The following CTSK variants were observed in gnomAD, a reference collection of about 807,000 sequenced individuals.
The protein encoded by CTSK is cathepsin K, also known as cathepsin O.
CTSK carries 26 observed loss-of-function variants against 40.5 expected under a neutral mutation model. The observed-to-expected ratio is 0.64, with a 90% CI of 0.47 to 0.89. The LOEUF (loss-of-function observed/expected upper bound fraction) is 0.89. Ranked by LOEUF, CTSK falls within the 40% of genes least tolerant of loss-of-function variation. The pLI is 0.00. For synonymous variants in CTSK, 132 were observed against 143.2 expected, an observed-to-expected ratio of 0.92 and a Z score of 0.56; for missense variants, 292 against 400.1, an observed-to-expected ratio of 0.73 and a Z score of 2.30.
In CTSK at chr1:150,805,970, A is replaced by G; in HGVS notation, c.290T>C (p.Leu97Pro). The change falls in exon 4 of 8, where the codon CTG becomes CCG. Residue 97 changes from leucine to proline, a missense_variant. Transcript: ENST00000271651. ...GGTGTCATTACTGCGGGAATGAGACAGGGGTACTTTGAGTCCAGTCATCTT... is the reference window on the plus strand; with the variant it reads ...GGTGTCATTACTGCGGGAATGAGACGGGGGTACTTTGAGTCCAGTCATCTT... ...VQKMTGLKVP[L>P]SHSRSNDTLY... 2.5e-6 allele frequency: 4 copies of G among 1,614,192 alleles called. No individual in the cohort carries two copies. Among genetic ancestry groups the G allele is most frequent in the Non-Finnish European group, 2.5e-6 (3 of 1,180,020 alleles).
chr1:150,799,507 T>C (rs1289238025), intron 6 of CTSK, 37 bp downstream of exon 6: 2 of 1,612,464 alleles, frequency 1.2e-6, no homozygotes, highest in South Asian at 1.1e-5. Flanking sequence ...GTTTGTATCA[T>C]AAAAGACAGT....
At position 150,799,646 on chromosome 1, in the gene CTSK, G is replaced by T. The variant is rs763405094; in HGVS notation, c.682C>A (p.Pro228Thr). 2 of 1,614,084 alleles carry T rather than the reference G, an allele frequency of 1.2e-6. No individual in the cohort carries two copies. Among genetic ancestry groups the T allele is most frequent in the South Asian group, 2.2e-5 (2 of 91,078 alleles). ...AAKCRGYREI[P>T]EGNEKALKRA... ...TTCAGGGCTTTCTCATTCCCCTCGG[G>T]GATCTCTCTGTACCCTCTGCATTTA... The change falls in exon 6 of 8, where the codon CCC (proline) becomes ACC (threonine). Residue 228 changes from proline to threonine, a missense_variant. Transcript: ENST00000271651.
Position 150,805,887 on chromosome 1 carries a change from C to T in CTSK, c.373G>A (p.Gly125Arg). 6.2e-7 allele frequency: 1 copy of T among 1,614,072 alleles called. No homozygotes were observed. ...TGATTTTTGACAGGAGTAACATATC[C>T]TTTCTTTCGATAGTCGACAGAGTCT... ...APDSVDYRKK[G>R]YVTPVKNQGQ... The change falls in exon 4 of 8, where the codon GGA becomes AGA. Residue 125 changes from glycine (G) to arginine (R), a missense_variant. Transcript: ENST00000271651.
intron 1 of CTSK, chr1:150,807,116 ACACACACACG>A (rs1654121203): frequency 2.3e-6 from 1 of 443,648 alleles, no homozygotes; most frequent in Non-Finnish European, 4.3e-6. Context: ...ACACACACAC[ACACACACACG>A]TACACAACCA....
At chr1:150,807,057 TTCTCTC>T (rs368700789) in intron 1 of CTSK, among the ~76,000 whole-genome samples, 1 of 103,080 alleles carries the variant, frequency 9.7e-6, no homozygotes, top group African/African-American at 3.3e-5. Flanking sequence ...CTCTCTCTGT[TTCTCTC>T]TCTGTCTCTC....
At chr1:150,805,256 C>A (rs587676029) in intron 4 of CTSK, among the ~76,000 whole-genome samples, 22 of 150,688 alleles carry the variant, frequency 1.5e-4, no homozygotes, top group African/African-American at 5.4e-4. Context: ...TATTTGTGAC[C>A]TAACAATTCC....
intron 5 of CTSK, 115 bp downstream of exon 5, chr1:150,803,906 A>G: frequency 2.1e-6 from 2 of 968,338 alleles, no homozygotes; most frequent in Non-Finnish European, 3.3e-6. Flanking sequence ...TATTCCATCA[A>G]GAAAGCAGGA....
intron 5 of CTSK, 42 bp downstream of exon 5, chr1:150,803,976 AAGG>A (rs747542627): frequency 6.8e-7 from 1 of 1,462,948 alleles, no homozygotes; most frequent in South Asian, 1.1e-5. Flanking sequence ...CATGCTGGGG[AAGG>A]AGGAGCCAAC....
Position 150,799,644 on chromosome 1 carries a change from G to A in CTSK, c.684C>T (p.Pro228=), listed in dbSNP as rs142097792. 933 of 1,613,882 alleles carry A rather than the reference G, an allele frequency of 5.8e-4. No individual in the cohort carries two copies. The highest frequency in any genetic ancestry group is 6.9e-4 in the Non-Finnish European group (816 of 1,179,972). The part of the protein sequence containing the change: ...AAKCRGYREI[P]EGNEKALKRA... ...TCTTCAGGGCTTTCTCATTCCCCTC[G>A]GGGATCTCTCTGTACCCTCTGCATT... The change falls in exon 6 of 8, where the codon CCC becomes CCT. Residue 228 remains proline (P), a synonymous_variant. Coordinates refer to ENST00000271651, the MANE Select transcript of CTSK (RefSeq NM_000396.4).
At chr1:150,798,711 T>C (rs1035425128) in intron 7 of CTSK, among the ~76,000 whole-genome samples, 5 of 152,198 alleles carry the variant, frequency 3.3e-5, no homozygotes, top group Admixed American at 1.3e-4. Flanking sequence ...ATGAATGGCT[T>C]GGTGCCATCG....
rs1180381893 is a variant in CTSK at position 150,796,696 on chromosome 1, C to T, written c.*103G>A. On this transcript the variant is annotated 3_prime_UTR_variant, in exon 8 of 8. Coordinates refer to ENST00000271651, the MANE Select transcript of CTSK (RefSeq NM_000396.4). ...TGAACAGACAATCTCAGTATCACCA[C>T]ATCTGCTTCAAAAATAGCACACCAA... 2 of 839,580 alleles carry T rather than the reference C, an allele frequency of 2.4e-6. No homozygotes were observed. Among genetic ancestry groups the T allele is most frequent in the Admixed American group, 1.7e-5 (1 of 59,090 alleles). 52.0% of individuals were successfully genotyped at this position (839,580 alleles called of 1,614,324 possible).
chr1:150,804,387 G>T (rs1654048216), intron 4 of CTSK, 148 bp from the exon 5 acceptor site: 1 of 720,148 alleles, frequency 1.4e-6, no homozygotes, highest in Non-Finnish European at 2.5e-6. Flanking sequence ...CTTAATATCT[G>T]TTGCACTGTT....
At position 150,804,165 on chromosome 1, in the gene CTSK, T is replaced by C. The variant is rs761204120; in HGVS notation, c.474A>G (p.Lys158=). 1.1e-5 allele frequency: 17 copies of C among 1,614,080 alleles called. No homozygotes were observed. The highest frequency in any genetic ancestry group is 1.4e-5 in the Non-Finnish European group (17 of 1,180,014). ...LEGQLKKKTG[K]LLNLSPQNLV... ...GGTTCTGGGGACTCAGATTTAAGAG[T>C]TTGCCAGTTTTCTTCTTGAGTTGGC... The change falls in exon 5 of 8, where the codon AAA becomes AAG. Residue 158 remains lysine (K), a synonymous_variant. Transcript: ENST00000271651.
Position 150,800,153 on chromosome 1 carries a change from C to T in CTSK, c.619-444G>A, listed in dbSNP as rs587601440. Among the ~76,000 whole-genome samples, 21 of 135,864 alleles carry T rather than the reference C, an allele frequency of 1.5e-4. No homozygotes were observed. The East Asian group carries it at 3.6e-3, about 23-fold the overall frequency. The allele number at this position is 135,864 out of a possible 152,430, so 89.1% of individuals were successfully genotyped here. On this transcript the variant is annotated intron_variant, in intron 5 of 7. Transcript: ENST00000271651. ...CAGACCTTGTAGTGAGCCAAGATCG[C>T]GCCATTGCACTCCAGCCTGGGCGAG... is the stretch of plus-strand genomic sequence containing the variant.
Position 150,806,660 on chromosome 1 carries a change from C to G in CTSK, c.120+26G>C, listed in dbSNP as rs1229252053. 5.6e-6 allele frequency: 9 copies of G among 1,613,364 alleles called. No individual in the cohort carries two copies. In the South Asian group the frequency reaches 9.9e-5, roughly 18 times the overall value. ...AGAGCTCAGGTCTCAGCCTTCCTGC[C>G]ATGCCCCCTCCAGGACCCCAGGCAC... On this transcript the variant is annotated intron_variant, in intron 2 of 7. Transcript: ENST00000271651.
chr1:150,807,005 T>TTCTC (rs71659432), intron 1 of CTSK, among the ~76,000 whole-genome samples, 199 bp from the exon 2 acceptor site: 23 of 138,966 alleles, frequency 1.7e-4, no homozygotes, highest in South Asian at 4.8e-4. Context: ...ATTTCTCTCT[T>TTCTC]TCTCTCTCTC....
At chr1:150,803,600 T>C (rs1404796391) in intron 5 of CTSK, among the ~76,000 whole-genome samples, 1 of 152,216 alleles carries the variant, frequency 6.6e-6, no homozygotes, top group Non-Finnish European at 1.5e-5. Flanking sequence ...TTTCTCTCAT[T>C]TTATAGATGT....
chr1:150,807,768 G>A (rs1230912026), intron 1 of CTSK, among the ~76,000 whole-genome samples: 1 of 152,184 alleles, frequency 6.6e-6, no homozygotes, highest in Non-Finnish European at 1.5e-5. Context: ...CCATTTACAT[G>A]TAATTTTGCA....
chr1:150,807,743 A>G (rs1654137991), intron 1 of CTSK, among the ~76,000 whole-genome samples: 1 of 152,220 alleles, frequency 6.6e-6, no homozygotes, highest in Non-Finnish European at 1.5e-5. Flanking sequence ...TATGGCTTAC[A>G]CAATTGCTTA....
Sources: gnomAD v4.1 joint callset for allele counts (sites outside exome capture counted in the v4.1 genomes callset) on GRCh38, gnomAD v4.1.1 for gene constraint, MANE v1.5 for transcripts, NCBI Gene and HGNC (gene_info 2026-07-23, HGNC 2026-07-21) for gene names.